RSRC1: variants seen among roughly 807,000 people sequenced by gnomAD.
RSRC1 encodes serine/Arginine-related protein 53.
In RSRC1, 39 loss-of-function variants were observed where a neutral mutation model predicts 49.1. The observed-to-expected ratio is 0.79, with a 90% CI of 0.61 to 1.04. The LOEUF (loss-of-function observed/expected upper bound fraction) is 1.04, where lower values mean the gene tolerates loss of function less well. Ranked by LOEUF, RSRC1 falls within the 50% of genes least tolerant of loss-of-function variation. The pLI is 0.00. For missense variants in RSRC1, 388 were observed against 402.4 expected (o/e 0.96, Z 0.31); for synonymous variants, 143 against 130.8 (o/e 1.09, Z -0.63).
intron 7 of RSRC1, among the ~76,000 whole-genome samples, chr3:158,510,304 T>G (rs923211946): frequency 6.6e-6 from 1 of 152,228 alleles, no homozygotes; most frequent in Admixed American, 6.5e-5. Flanking sequence ...TTGGTTTATC[T>G]TTTACTAGTT....
chr3:158,518,153 T>A (rs1166480886), intron 7 of RSRC1, among the ~76,000 whole-genome samples: 38 of 130,844 alleles, frequency 2.9e-4, no homozygotes, highest in African/African-American at 6.9e-4. Context: ...TATATATTTT[T>A]TTTTTTTTTT....
intron 4 of RSRC1, chr3:158,225,807 C>T (rs1722498875): frequency 2.6e-6 from 1 of 379,430 alleles, no homozygotes; most frequent in African/African-American, 2.1e-5. Context: ...AAAATAAGGA[C>T]TACTTGATAG....
At chr3:158,174,973 C>CCAA (rs1429656754) in intron 3 of RSRC1, among the ~76,000 whole-genome samples, 4 of 152,048 alleles carry the variant, frequency 2.6e-5, no homozygotes, top group Admixed American at 2.6e-4. Context: ...TACATCCCTG[C>CCAA]CAACATTTGC....
intron 4 of RSRC1, chr3:158,276,160 C>T: frequency 3.3e-6 from 3 of 912,634 alleles, no homozygotes; most frequent in Non-Finnish European, 5.4e-6. Flanking sequence ...TGGTTAACAC[C>T]ATGATGGACA....
chr3:158,523,368 A>G (rs186386698), intron 7 of RSRC1, among the ~76,000 whole-genome samples: 216 of 152,214 alleles, frequency 1.4e-3, no homozygotes, highest in Non-Finnish European at 2.6e-3. Flanking sequence ...TTAGATGTCT[A>G]TACTCCCTGT....
At chr3:158,328,092 T>C (rs999113169) in intron 5 of RSRC1, among the ~76,000 whole-genome samples, 2 of 152,212 alleles carry the variant, frequency 1.3e-5, no homozygotes, top group Admixed American at 6.5e-5. Flanking sequence ...TTGGTAGATC[T>C]TCCTTCATCC....
At chr3:158,239,113 C>G (rs997206460) in intron 4 of RSRC1, among the ~76,000 whole-genome samples, 1 of 152,104 alleles carries the variant, frequency 6.6e-6, no homozygotes, top group East Asian at 1.9e-4. Context: ...TGAAAAAATG[C>G]TCATCATCAC....
intron 7 of RSRC1, among the ~76,000 whole-genome samples, chr3:158,496,407 T>C (rs1480278301): frequency 6.6e-6 from 1 of 152,062 alleles, no homozygotes; most frequent in Admixed American, 6.6e-5. Context: ...TACACCCAGG[T>C]GATGCCGATA....
intron 7 of RSRC1, among the ~76,000 whole-genome samples, chr3:158,504,214 C>G (rs1013259592): frequency 3.3e-5 from 5 of 152,208 alleles, no homozygotes; most frequent in Non-Finnish European, 7.3e-5. Flanking sequence ...GGGGCACTCA[C>G]AGTATTTGGG....
intron 7 of RSRC1, among the ~76,000 whole-genome samples, chr3:158,527,108 G>A (rs28375539): frequency 0.54 from 73,215 of 136,644 alleles, 19,478 homozygotes; most frequent in African/African-American, 0.64. Flanking sequence ...TTTACTGGTA[G>A]AAGACTTCTG....
chr3:158,521,259 A>G (rs911732175), intron 7 of RSRC1, among the ~76,000 whole-genome samples: 2 of 152,094 alleles, frequency 1.3e-5, no homozygotes, highest in African/African-American at 4.8e-5. Flanking sequence ...ATCCCACGCT[A>G]GTCACCAGCA....
intron 6 of RSRC1, among the ~76,000 whole-genome samples, chr3:158,419,821 A>C (rs1734941590): frequency 5.6e-5 from 2 of 35,716 alleles, no homozygotes; most frequent in Non-Finnish European, 1.2e-4. Context: ...TAAATCTAGC[A>C]AAAAAAAAAA....
At chr3:158,518,142 A>T (rs1220898022) in intron 7 of RSRC1, among the ~76,000 whole-genome samples, 37 of 74,586 alleles carry the variant, frequency 5.0e-4, no homozygotes, top group African/African-American at 8.6e-4. Flanking sequence ...ATATATATAT[A>T]TATATATTTT....
intron 5 of RSRC1, among the ~76,000 whole-genome samples, chr3:158,336,183 G>A (rs886481032): frequency 1.3e-5 from 2 of 152,260 alleles, no homozygotes; most frequent in African/African-American, 4.8e-5. Flanking sequence ...TAAGGGCACT[G>A]CAAGTCAGCT....
intron 3 of RSRC1, among the ~76,000 whole-genome samples, chr3:158,178,800 C>G (rs1162796585): frequency 6.6e-6 from 1 of 152,012 alleles, no homozygotes; most frequent in Non-Finnish European, 1.5e-5. Flanking sequence ...CTGTTTGTTC[C>G]AGTTTGCTTC....
chr3:158,308,609 T>C (rs1452442354), intron 5 of RSRC1, among the ~76,000 whole-genome samples: 1 of 151,894 alleles, frequency 6.6e-6, no homozygotes, highest in Non-Finnish European at 1.5e-5. Context: ...AAAAGAAATA[T>C]TGCATTAATT....
chr3:158,322,996 G>A (rs1288521207), intron 5 of RSRC1, among the ~76,000 whole-genome samples: 1 of 151,924 alleles, frequency 6.6e-6, no homozygotes, highest in Non-Finnish European at 1.5e-5. Context: ...GGGTTAATTT[G>A]GAGTTTCTAT....
At chr3:158,527,238 A>G (rs926419957) in intron 7 of RSRC1, among the ~76,000 whole-genome samples, 4 of 151,820 alleles carry the variant, frequency 2.6e-5, no homozygotes, top group Non-Finnish European at 4.4e-5. Flanking sequence ...AACATCTTCC[A>G]GCAAGTTTTA....
chr3:158,533,456 GT>G (rs1422694193), intron 7 of RSRC1, among the ~76,000 whole-genome samples: 1 of 151,474 alleles, frequency 6.6e-6, no homozygotes, highest in Non-Finnish European at 1.5e-5. Context: ...TTAAGCATTG[GT>G]TTTGGCAAGC....
Sources: gnomAD v4.1 joint callset for allele counts (sites outside exome capture counted in the v4.1 genomes callset) on GRCh38, gnomAD v4.1.1 for gene constraint, MANE v1.5 for transcripts, NCBI Gene and HGNC (gene_info 2026-07-23, HGNC 2026-07-21) for gene names.